ROS1: variants seen among roughly 807,000 people sequenced by gnomAD.
ROS1 encodes the protein ROS proto-oncogene 1, receptor tyrosine kinase.
In ROS1, 263 loss-of-function variants were observed where a neutral mutation model predicts 273.5. The observed-to-expected ratio is 0.96, with a 90% CI of 0.87 to 1.06. ROS1 has a LOEUF of 1.06. Ranked by LOEUF, ROS1 falls within the 50% of genes least tolerant of loss-of-function variation. The pLI, the probability that ROS1 is intolerant of heterozygous loss-of-function variation, is 0.00. For synonymous variants in ROS1, 1,008 were observed against 954.1 expected (o/e 1.06, Z -1.04); for missense variants, 2,833 against 2,751.1 (o/e 1.03, Z -0.67).
intron 5 of ROS1, among the ~76,000 whole-genome samples, chr6:117,406,725 A>G (rs1453514026): frequency 6.6e-6 from 1 of 152,244 alleles, no homozygotes; most frequent in Admixed American, 6.5e-5. Context: ...GTATCACTTA[A>G]TAAGTATGTG....
intron 4 of ROS1, among the ~76,000 whole-genome samples, chr6:117,411,025 G>A (rs1314578891): frequency 6.6e-6 from 1 of 152,052 alleles, no homozygotes; most frequent in Non-Finnish European, 1.5e-5. Context: ...AAAGAAAACT[G>A]AGGAGAAGAG....
intron 26 of ROS1, 23 bp from the exon 27 acceptor site, chr6:117,353,189 T>C (rs962035957): frequency 1.3e-6 from 2 of 1,513,624 alleles, no homozygotes; most frequent in Non-Finnish European, 1.8e-6. Flanking sequence ...ACATAAGGAA[T>C]ATAAAGAACA....
chr6:117,308,788 A>G lies in ROS1; in HGVS notation c.6551+6T>C. On this transcript the variant is annotated splice_donor_region_variant and intron_variant, in intron 42 of 43. Transcript: ENST00000368507. ...GGGGATACATATGTTAACATAATTA[A>G]CTTACAGATCATCAGGACAATTTCT... 6.2e-7 allele frequency: 1 copy of G among 1,611,944 alleles called. No individual in the cohort carries two copies. Among genetic ancestry groups the G allele is most frequent in the Non-Finnish European group, 8.5e-7 (1 of 1,179,116 alleles).
intron 35 of ROS1, among the ~76,000 whole-genome samples, chr6:117,323,260 A>C (rs533031792): frequency 1.3e-5 from 2 of 152,256 alleles, no homozygotes; most frequent in African/African-American, 4.8e-5. Context: ...TCTCAAATCG[A>C]GCTTCAAAGT....
intron 5 of ROS1, among the ~76,000 whole-genome samples, chr6:117,405,976 A>G (rs1287998071): frequency 6.6e-6 from 1 of 152,194 alleles, no homozygotes; most frequent in East Asian, 1.9e-4. Context: ...TGGTCAACTC[A>G]TAAATGCCTA....
chr6:117,327,141 T>A (rs572670251), intron 33 of ROS1, among the ~76,000 whole-genome samples: 1 of 152,280 alleles, frequency 6.6e-6, no homozygotes, highest in South Asian at 2.1e-4. Context: ...CAATCCACGG[T>A]AAGCTTAGGG....
At chr6:117,291,713 G>T (rs1360709651) in intron 43 of ROS1, among the ~76,000 whole-genome samples, 1 of 152,128 alleles carries the variant, frequency 6.6e-6, no homozygotes, top group Non-Finnish European at 1.5e-5. Context: ...CACAGTGAGT[G>T]GCACATGGAA....
At chr6:117,340,738 C>T (rs1348957398) in intron 31 of ROS1, among the ~76,000 whole-genome samples, 1 of 152,108 alleles carries the variant, frequency 6.6e-6, no homozygotes, top group Non-Finnish European at 1.5e-5. Flanking sequence ...TGTTACTGCA[C>T]AGCCCTTAAA....
rs1452552506 is a variant in ROS1 at position 117,360,356 on chromosome 6, T to C, written c.3416A>G (p.Lys1139Arg). Residue 1139 changes from lysine to arginine, a missense_variant, in exon 23 of 44, where the codon AAG (lysine) becomes AGG (arginine). Coordinates refer to ENST00000368507, the MANE Select transcript of ROS1 (RefSeq NM_001378902.1). ...KGPGPYADVV[K>R]STTSEINPFP... Reference sequence around the variant, plus strand: ...AAAACAAATACCTGATGTTGTAGACTTTACAACGTCAGCATATGGTCCTGG... The same window carrying C: ...AAAACAAATACCTGATGTTGTAGACCTTACAACGTCAGCATATGGTCCTGG... 6.2e-7 allele frequency: 1 copy of C among 1,613,092 alleles called. No homozygotes were observed. Among genetic ancestry groups the C allele is most frequent in the Non-Finnish European group, 8.5e-7 (1 of 1,179,656 alleles).
At chr6:117,305,830 C>G (rs926123379) in intron 42 of ROS1, among the ~76,000 whole-genome samples, 4 of 152,102 alleles carry the variant, frequency 2.6e-5, no homozygotes, top group Admixed American at 6.5e-5. Flanking sequence ...AGTGTATACT[C>G]GCACCAAGTT....
rs778913413 is a variant in ROS1 at position 117,365,183 on chromosome 6, A to G, written c.2980T>C (p.Ser994Pro). The G allele has an allele frequency of 1.2e-5, 20 of 1,605,904 alleles. No homozygotes were observed. Among genetic ancestry groups the G allele is most frequent in the African/African-American group, 2.7e-5 (2 of 74,494 alleles). ...CCTTCCACAGTAAATACAGGTAAAG[A>G]GTGTTGTTCACTAGCCAAGAACTAA... Reference protein sequence around the residue: ...HSKFLASEQHSLPVFTVEGLE... With the variant: ...HSKFLASEQHPLPVFTVEGLE... Residue 994 changes from serine (S) to proline (P), a missense_variant, in exon 21 of 44, where the codon TCT (serine) becomes CCT (proline). By Grantham distance (74) the Ser-to-Pro change is moderately conservative. Coordinates refer to ENST00000368507, the MANE Select transcript of ROS1 (RefSeq NM_001378902.1).
At chr6:117,405,047 G>GGT in intron 5 of ROS1, among the ~76,000 whole-genome samples, 1 of 152,218 alleles carries the variant, frequency 6.6e-6, no homozygotes, top group Non-Finnish European at 1.5e-5. Flanking sequence ...ATTTCTGAAT[G>GGT]GTATGTCACT....
At position 117,403,124 on chromosome 6, in the gene ROS1, G is replaced by A; in HGVS notation, c.604+15C>T. 1.2e-6 allele frequency: 2 copies of A among 1,613,022 alleles called. No homozygotes were observed. Among genetic ancestry groups the A allele is most frequent in the Non-Finnish European group, 1.7e-6 (2 of 1,179,298 alleles). On this transcript the variant is annotated intron_variant, in intron 7 of 43. Transcript: ENST00000368507. ...GGAATAATGTCCTTTCATAAGAAAT[G>A]TGTGCACACCATACCTCCATGAGGA...
chr6:117,288,754 A>T lies in ROS1; in HGVS notation c.6764T>A (p.Val2255Asp), dbSNP rs552282840. ...ICLNSDDIMPVALMETKNREG... is the reference protein window; with the variant it reads ...ICLNSDDIMPDALMETKNREG... Reference sequence around the variant, plus strand: ...TCGGTTCTTCGTTTCCATTAAAGCAACTGGCATAATGTCATCTGAATTCAA... The same window carrying T: ...TCGGTTCTTCGTTTCCATTAAAGCATCTGGCATAATGTCATCTGAATTCAA... The change falls in exon 44 of 44, where the codon GTT becomes GAT. Residue 2255 changes from valine to aspartate, a missense_variant. Coordinates refer to ENST00000368507, the MANE Select transcript of ROS1 (RefSeq NM_001378902.1). 6.2e-7 allele frequency: 1 copy of T among 1,613,712 alleles called. No individual in the cohort carries two copies. The highest frequency in any genetic ancestry group is 2.2e-5 in the East Asian group (1 of 44,884).
intron 14 of ROS1, among the ~76,000 whole-genome samples, chr6:117,387,451 C>T (rs143316811): frequency 9.9e-5 from 15 of 152,264 alleles, no homozygotes; most frequent in Admixed American, 6.5e-4. Context: ...CTCAGCAAGA[C>T]CCTCAGAGTT....
chr6:117,316,708 A>G (rs1320531507), intron 39 of ROS1, among the ~76,000 whole-genome samples: 1 of 152,130 alleles, frequency 6.6e-6, no homozygotes, highest in African/African-American at 2.4e-5. Flanking sequence ...CGTTTGGGGC[A>G]AAATATGTTT....
intron 4 of ROS1, among the ~76,000 whole-genome samples, chr6:117,410,359 T>C (rs1022716618): frequency 5.9e-5 from 9 of 152,232 alleles, no homozygotes; most frequent in African/African-American, 2.2e-4. Flanking sequence ...ATTTATTTTA[T>C]ATATCCCGGT....
At position 117,379,121 on chromosome 6, in the gene ROS1, C is replaced by G; in HGVS notation, c.2520G>C (p.Leu840=). The change falls in exon 18 of 44, where the codon CTG becomes CTC. Residue 840 remains leucine, a synonymous_variant. Coordinates refer to ENST00000368507, the MANE Select transcript of ROS1 (RefSeq NM_001378902.1). The part of the protein sequence containing the change: ...ALTLDLSDGL[L]YWLVQDSQCI... Reference sequence around the variant, plus strand: ...ATTGACTGTCTTGAACCAACCAATACAGGAGCCCATCACTGAGGTCTAAAG... The same window carrying G: ...ATTGACTGTCTTGAACCAACCAATAGAGGAGCCCATCACTGAGGTCTAAAG... 1 of 1,613,256 alleles carries G rather than the reference C, an allele frequency of 6.2e-7. No homozygotes were observed. The highest frequency in any genetic ancestry group is 1.1e-5 in the South Asian group (1 of 91,046).
In ROS1 at chr6:117,288,461, A is replaced by T. The variant is rs755742948; in HGVS notation, c.*31T>A. Reference sequence around the variant, plus strand: ...CAGTAACTACTGAATGAGAGTGTTTATCTCAACTCTCTATTTCCCAAACAA... The same window carrying T: ...CAGTAACTACTGAATGAGAGTGTTTTTCTCAACTCTCTATTTCCCAAACAA... On this transcript the variant is annotated 3_prime_UTR_variant, in exon 44 of 44. Transcript: ENST00000368507. 39 of 1,436,572 alleles carry T rather than the reference A, an allele frequency of 2.7e-5. No homozygotes were observed. The highest frequency in any genetic ancestry group is 3.6e-5 in the Non-Finnish European group (37 of 1,037,166). 89.0% of individuals were successfully genotyped at this position (1,436,572 alleles called of 1,614,324 possible). A position where few individuals can be genotyped will look rare whatever the true frequency, so the allele number is the denominator to read the frequency against.
Sources: allele counts gnomAD v4.1 joint callset (sites outside exome capture counted in the v4.1 genomes callset), GRCh38; gene constraint gnomAD v4.1.1; transcripts MANE v1.5; gene names NCBI Gene and HGNC (gene_info 2026-07-23, HGNC 2026-07-21).